Variants in CNTN4 observed in about 807,000 individuals in gnomAD.
CNTN4 encodes the protein contactin-4.
In CNTN4, 77 loss-of-function variants were observed where a neutral mutation model predicts 122.5. The observed-to-expected ratio is 0.63, with a 90% CI of 0.52 to 0.76. The LOEUF (loss-of-function observed/expected upper bound fraction) is 0.76. Ranked by LOEUF, CNTN4 falls within the 30% of genes least tolerant of loss-of-function variation. The probability of loss-of-function intolerance (pLI) is 0.00; values close to 1 mark genes in which losing one functional copy is unlikely to be tolerated. For missense variants in CNTN4, 1,256 were observed against 1,259.1 expected, an observed-to-expected ratio of 1.00 and a Z score of 0.04; for synonymous variants, 512 against 447.0, an observed-to-expected ratio of 1.15 and a Z score of -1.83.
intron 5 of CNTN4, among the ~76,000 whole-genome samples, chr3:2,744,943 C>T (rs369622845): frequency 1.3e-4 from 20 of 152,052 alleles, no homozygotes; most frequent in African/African-American, 3.1e-4. Flanking sequence ...GTTTGTGTGC[C>T]GGTGGTGAAG....
At chr3:2,207,405 G>A (rs1029974054) in intron 2 of CNTN4, among the ~76,000 whole-genome samples, 9 of 152,068 alleles carry the variant, frequency 5.9e-5, no homozygotes, top group Admixed American at 2.0e-4. Flanking sequence ...CAGCTAAGTC[G>A]TGAAAACAAG....
intron 13 of CNTN4, among the ~76,000 whole-genome samples, chr3:2,961,918 G>A (rs1434744260): frequency 6.6e-6 from 1 of 152,194 alleles, no homozygotes; most frequent in Non-Finnish European, 1.5e-5. Context: ...TTGTGTTCCT[G>A]CTTTCAGTGG....
chr3:2,357,069 G>C (rs962000184), intron 3 of CNTN4, among the ~76,000 whole-genome samples: 1 of 152,120 alleles, frequency 6.6e-6, no homozygotes, highest in African/African-American at 2.4e-5. Flanking sequence ...AGCGCTTACA[G>C]ACCACTTAGG....
intron 4 of CNTN4, among the ~76,000 whole-genome samples, chr3:2,622,335 A>T (rs1175097683): frequency 6.6e-6 from 1 of 152,186 alleles, no homozygotes; most frequent in East Asian, 1.9e-4. Context: ...GCTGCAGGAA[A>T]TGTGATGTTA....
chr3:2,554,385 T>C (rs1263173245), intron 3 of CNTN4, among the ~76,000 whole-genome samples: 1 of 152,126 alleles, frequency 6.6e-6, no homozygotes, highest in Admixed American at 6.6e-5. Context: ...ACATTTCACT[T>C]TACAAAGTAC....
At chr3:2,979,325 A>G (rs1209392627) in intron 13 of CNTN4, among the ~76,000 whole-genome samples, 1 of 152,152 alleles carries the variant, frequency 6.6e-6, no homozygotes, top group Non-Finnish European at 1.5e-5. Flanking sequence ...CTATATTTGC[A>G]TTTCTAAAGG....
intron 2 of CNTN4, among the ~76,000 whole-genome samples, chr3:2,132,044 CT>C (rs141899633): frequency 7.9e-5 from 12 of 152,306 alleles, no homozygotes; most frequent in African/African-American, 2.9e-4. Context: ...TGCATAACTT[CT>C]GTGGCCAAGT....
At chr3:2,510,440 C>T (rs1288603187) in intron 3 of CNTN4, among the ~76,000 whole-genome samples, 1 of 149,854 alleles carries the variant, frequency 6.7e-6, no homozygotes, top group South Asian at 2.1e-4. Flanking sequence ...AGATTTCTGA[C>T]TCCCTCAATG....
At chr3:2,451,931 T>G (rs2048844789) in intron 3 of CNTN4, among the ~76,000 whole-genome samples, 1 of 152,166 alleles carries the variant, frequency 6.6e-6, no homozygotes, top group Admixed American at 6.6e-5. Context: ...GGGCACACAT[T>G]AAATCTCTAT....
chr3:2,371,213 G>A (rs912260821), intron 3 of CNTN4, among the ~76,000 whole-genome samples: 3 of 152,108 alleles, frequency 2.0e-5, no homozygotes, highest in African/African-American at 7.2e-5. Context: ...ATCCCCTGAG[G>A]TTAGGTTCCC....
intron 2 of CNTN4, among the ~76,000 whole-genome samples, chr3:2,169,823 A>T (rs1421860828): frequency 6.6e-6 from 1 of 152,174 alleles, no homozygotes; most frequent in Non-Finnish European, 1.5e-5. Context: ...CTCTTAGTCA[A>T]CAATGCTCTG....
chr3:2,250,646 GT>G (rs1209792451), intron 2 of CNTN4, among the ~76,000 whole-genome samples: 2 of 151,794 alleles, frequency 1.3e-5, no homozygotes, highest in Non-Finnish European at 1.5e-5. Context: ...TAACCAAACT[GT>G]TTTGGAACCC....
chr3:2,399,350 G>A (rs779584842), intron 3 of CNTN4, among the ~76,000 whole-genome samples: 2 of 151,990 alleles, frequency 1.3e-5, no homozygotes, highest in Non-Finnish European at 2.9e-5. Context: ...TGTAACTTCT[G>A]TGGCCATAGT....
At chr3:2,661,867 T>C (rs1057372000) in intron 4 of CNTN4, among the ~76,000 whole-genome samples, 3 of 143,518 alleles carry the variant, frequency 2.1e-5, no homozygotes, top group Admixed American at 7.0e-5. Flanking sequence ...CATTATCATA[T>C]AGAAATTTTA....
chr3:2,671,899 G>C (rs1348714115), intron 4 of CNTN4, among the ~76,000 whole-genome samples: 1 of 151,982 alleles, frequency 6.6e-6, no homozygotes, highest in Non-Finnish European at 1.5e-5. Context: ...AGCAGCGGAG[G>C]CTGCAAAACA....
chr3:2,145,260 C>A (rs932361343), intron 2 of CNTN4, among the ~76,000 whole-genome samples: 1 of 152,180 alleles, frequency 6.6e-6, no homozygotes, highest in Admixed American at 6.5e-5. Context: ...AAATAAATCA[C>A]TGTTAAATGA....
chr3:2,916,809 G>A (rs1367386801), intron 12 of CNTN4, among the ~76,000 whole-genome samples: 1 of 150,638 alleles, frequency 6.6e-6, no homozygotes, highest in Non-Finnish European at 1.5e-5. Context: ...TCCCAGACGG[G>A]GCCGCCGGGT....
chr3:2,802,182 C>T (rs1273806034), intron 6 of CNTN4, among the ~76,000 whole-genome samples: 2 of 152,204 alleles, frequency 1.3e-5, no homozygotes, highest in African/African-American at 4.8e-5. Flanking sequence ...CCAGTGCCCA[C>T]CAAGTGCCCA....
At chr3:2,680,257 A>G (rs1223690639) in intron 4 of CNTN4, among the ~76,000 whole-genome samples, 3 of 152,204 alleles carry the variant, frequency 2.0e-5, no homozygotes, top group Non-Finnish European at 2.9e-5. Flanking sequence ...CAAGGCTTCA[A>G]AAAGAGGGAG....
Sources: gnomAD v4.1 joint callset for allele counts (sites outside exome capture counted in the v4.1 genomes callset) on GRCh38, gnomAD v4.1.1 for gene constraint, MANE v1.5 for transcripts, NCBI Gene and HGNC (gene_info 2026-07-23, HGNC 2026-07-21) for gene names.